HAPSTR1: variants seen among roughly 807,000 people sequenced by gnomAD.
The protein encoded by HAPSTR1 is HUWE1 associated protein modifying stress responses.
At chr16:9,116,613 C>A in the HAPSTR1 span, 1 of 1,581,902 alleles carries the variant, frequency 6.3e-7, no homozygotes, top group African/African-American at 1.4e-5. Flanking sequence ...AAGTGGGTTG[C>A]TTTCAAAAGG....
chr16:9,104,530 T>C, the HAPSTR1 span: 2 of 152,238 alleles, frequency 1.3e-5, no homozygotes, highest in African/African-American at 2.4e-5. Flanking sequence ...ATTGAGACTT[T>C]ATAATACCTG....
At chr16:9,118,932 A>T in the HAPSTR1 span, 1 of 152,652 alleles carries the variant, frequency 6.6e-6, no homozygotes, top group South Asian at 2.1e-4. Flanking sequence ...TGGTGCTCTG[A>T]AGCTTAATCT....
chr16:9,091,726 G>C, the HAPSTR1 span: 1 of 399,808 alleles, frequency 2.5e-6, no homozygotes. Flanking sequence ...GCAGTGGGGA[G>C]GCCGCAGCGC....
At chr16:9,103,052 G>A in the HAPSTR1 span, 1 of 1,614,136 alleles carries the variant, frequency 6.2e-7, no homozygotes, top group Non-Finnish European at 8.5e-7. Context: ...ACGCAATAAG[G>A]ATGTGTTGGC....
the HAPSTR1 span, chr16:9,116,886 A>G: frequency 6.2e-7 from 1 of 1,614,130 alleles, no homozygotes; most frequent in Non-Finnish European, 8.5e-7. Flanking sequence ...AGACTCACCA[A>G]CCCATAAACG....
chr16:9,103,413 C>G, the HAPSTR1 span: 3 of 801,378 alleles, frequency 3.7e-6, no homozygotes, highest in Non-Finnish European at 5.6e-6. Context: ...AAGCTAAGAA[C>G]TTAATATGGG....
the HAPSTR1 span, among the ~76,000 whole-genome samples, chr16:9,101,662 G>A: frequency 6.6e-6 from 1 of 151,196 alleles, no homozygotes; most frequent in Non-Finnish European, 1.5e-5. Context: ...TTATTATAAA[G>A]TTCTGGTTGT....
At chr16:9,098,327 C>A in the HAPSTR1 span, among the ~76,000 whole-genome samples, 2 of 152,124 alleles carry the variant, frequency 1.3e-5, no homozygotes, top group Non-Finnish European at 2.9e-5. Context: ...GAGCGAAAAT[C>A]CATCACACAC....
the HAPSTR1 span, among the ~76,000 whole-genome samples, chr16:9,100,542 T>A: frequency 4.1e-5 from 6 of 147,736 alleles, no homozygotes; most frequent in Non-Finnish European, 7.5e-5. Flanking sequence ...TTACTTCATC[T>A]TTTTTTTTTG....
chr16:9,098,800 G>T, the HAPSTR1 span, among the ~76,000 whole-genome samples: 30 of 152,274 alleles, frequency 2.0e-4, no homozygotes, highest in East Asian at 4.8e-3. Flanking sequence ...CTTATGGTTT[G>T]TAGATTGTCT....
chr16:9,103,260 G>GTCT, the HAPSTR1 span: 1 of 1,608,896 alleles, frequency 6.2e-7, no homozygotes, highest in Non-Finnish European at 8.5e-7. Context: ...GCTCTGCATG[G>GTCT]TAAAGCCGTT....
the HAPSTR1 span, chr16:9,116,768 A>T: frequency 6.2e-7 from 1 of 1,614,094 alleles, no homozygotes; most frequent in Non-Finnish European, 8.5e-7. Flanking sequence ...GGAGAAATGG[A>T]CTCCATGATG....
the HAPSTR1 span, among the ~76,000 whole-genome samples, chr16:9,099,316 G>A: frequency 1.3e-3 from 191 of 152,010 alleles, 1 homozygote; most frequent in East Asian, 0.021. Flanking sequence ...TTCTGCCTCA[G>A]CCTCCCAAGT....
the HAPSTR1 span, among the ~76,000 whole-genome samples, chr16:9,093,585 C>T: frequency 6.6e-6 from 1 of 152,172 alleles, no homozygotes; most frequent in Non-Finnish European, 1.5e-5. Flanking sequence ...ACGTGCTGCT[C>T]TTCTCTAGCA....
At chr16:9,099,410 C>G in the HAPSTR1 span, among the ~76,000 whole-genome samples, 2 of 152,134 alleles carry the variant, frequency 1.3e-5, no homozygotes, top group African/African-American at 4.8e-5. Flanking sequence ...CCACGCTGAT[C>G]TCGAACTCCT....
chr16:9,092,161 C>T, the HAPSTR1 span: 7 of 1,567,470 alleles, frequency 4.5e-6, no homozygotes, highest in Middle Eastern at 1.7e-4. Context: ...AGCAGCTGCC[C>T]CCCGAGCTGC....
At chr16:9,095,959 A>AT in the HAPSTR1 span, among the ~76,000 whole-genome samples, 23,675 of 152,060 alleles carry the variant, frequency 0.16, 2,019 homozygotes, top group Non-Finnish European at 0.19. Flanking sequence ...AGATCAGTAT[A>AT]TTTTTTGATT....
the HAPSTR1 span, among the ~76,000 whole-genome samples, chr16:9,095,072 A>G: frequency 1.2e-4 from 19 of 152,368 alleles, no homozygotes; most frequent in East Asian, 3.9e-4. Context: ...AAAACATCAC[A>G]TATGATTCTT....
the HAPSTR1 span, among the ~76,000 whole-genome samples, chr16:9,099,585 A>T: frequency 3.3e-5 from 5 of 152,044 alleles, no homozygotes; most frequent in African/African-American, 9.7e-5. Flanking sequence ...CTAACCTTCA[A>T]GTATGTGGCT....
Sources: allele counts gnomAD v4.1 joint callset (sites outside exome capture counted in the v4.1 genomes callset), GRCh38; gene constraint gnomAD v4.1.1; transcripts MANE v1.5; gene names NCBI Gene and HGNC (gene_info 2026-07-23, HGNC 2026-07-21).